The following NOSTRIN variants were observed in gnomAD, a reference collection of about 807,000 sequenced individuals.
The protein encoded by NOSTRIN is nitric oxide synthase trafficking, also known as BM247 homolog.
Under a neutral mutation model 59.0 loss-of-function variants are expected in NOSTRIN, and 63 were observed. The ratio of observed to expected loss-of-function variants is 1.07; its 90% CI spans 0.87 to 1.32. The LOEUF (loss-of-function observed/expected upper bound fraction) is 1.32. Among genes scored for constraint, NOSTRIN ranks in the 40% most tolerant of loss-of-function variants. The probability of loss-of-function intolerance (pLI) is 0.00; values close to 1 mark genes in which losing one functional copy is unlikely to be tolerated. For synonymous variants in NOSTRIN, 200 were observed against 165.4 expected, an observed-to-expected ratio of 1.21 and a Z score of -1.61; for missense variants, 512 against 473.1, an observed-to-expected ratio of 1.08 and a Z score of -0.76.
chr2:168,797,707 G>A (rs1205670052), upstream of NOSTRIN, among the ~76,000 whole-genome samples: 2 of 150,904 alleles, frequency 1.3e-5, no homozygotes, highest in Non-Finnish European at 2.9e-5. Flanking sequence ...GCTTGGTGTG[G>A]TGGTTCACTT....
At chr2:168,842,451 T>C (rs753026536) in intron 7 of NOSTRIN, among the ~76,000 whole-genome samples, 11 of 152,240 alleles carry the variant, frequency 7.2e-5, no homozygotes, top group Non-Finnish European at 1.3e-4. Context: ...AGGACTCTTA[T>C]CCTGGAAGTT....
At chr2:168,831,283 G>T (rs2105650747) in intron 5 of NOSTRIN, among the ~76,000 whole-genome samples, 189 bp from the exon 6 acceptor site, 1 of 152,150 alleles carries the variant, frequency 6.6e-6, no homozygotes, top group South Asian at 2.1e-4. Context: ...TTTTATAAGG[G>T]CACTAATCTC....
Position 168,834,321 on chromosome 2 carries a change from G to A in NOSTRIN, c.500G>A (p.Arg167Gln), listed in dbSNP as rs73969974. Residue 167 changes from arginine (R) to glutamine (Q), a missense_variant, in exon 7 of 16, where the codon CGG (arginine) becomes CAG (glutamine). Physicochemically the swap from Arg to Gln is conservative, Grantham distance 43 (BLOSUM62 1). Coordinates refer to ENST00000317647, the MANE Select transcript of NOSTRIN (RefSeq NM_001039724.4). ...CAATCTATGACTGAGAAGGAGAAGC[G>A]GAAGGTAAGCTGTCATGGCTGGCTG... ...SKQSMTEKEK[R>Q]KLLNKLTKST... 9.0e-3 allele frequency: 7,895 copies of A among 872,468 alleles called. 420 individuals are homozygous for A. In the African/African-American group the frequency reaches 0.11, roughly 13 times the overall value. The allele number at this position is 872,468 out of a possible 1,614,324, so 54.0% of individuals were successfully genotyped here. A position where few individuals can be genotyped will look rare whatever the true frequency, so the allele number is the denominator to read the frequency against.
chr2:168,841,292 AAATAT>A (rs1246101775), intron 7 of NOSTRIN, among the ~76,000 whole-genome samples: 2 of 88,280 alleles, frequency 2.3e-5, no homozygotes, highest in African/African-American at 1.1e-4. Context: ...TGAATGCTTT[AAATAT>A]ATATATATAA....
At chr2:168,833,639 G>A (rs1254162010) in intron 6 of NOSTRIN, among the ~76,000 whole-genome samples, 1 of 152,172 alleles carries the variant, frequency 6.6e-6, no homozygotes, top group African/African-American at 2.4e-5. Context: ...AGCATGAACA[G>A]GGTAGGGAGA....
chr2:168,846,099 T>G (rs1432506008), intron 8 of NOSTRIN, among the ~76,000 whole-genome samples: 2 of 152,188 alleles, frequency 1.3e-5, no homozygotes, highest in African/African-American at 4.8e-5. Flanking sequence ...AGTTGGTATT[T>G]CCTGGGCTTG....
intron 1 of NOSTRIN, among the ~76,000 whole-genome samples, chr2:168,809,756 T>G: frequency 6.8e-6 from 1 of 147,802 alleles, no homozygotes; most frequent in South Asian, 2.1e-4. Context: ...ATTTATATAT[T>G]AAATATAAAA....
intron 3 of NOSTRIN, among the ~76,000 whole-genome samples, chr2:168,827,567 C>G (rs1403945321): frequency 6.6e-6 from 1 of 151,184 alleles, no homozygotes; most frequent in South Asian, 2.1e-4. Context: ...TTATTTTTTT[C>G]TTTTTGGTGG....
intron 2 of NOSTRIN, among the ~76,000 whole-genome samples, chr2:168,816,972 A>G (rs1401492980): frequency 1.3e-5 from 2 of 152,226 alleles, no homozygotes; most frequent in Non-Finnish European, 2.9e-5. Flanking sequence ...CTGGCATAAT[A>G]TGTAGCATAT....
upstream of NOSTRIN, chr2:168,802,233 T>C (rs1685637081): frequency 5.8e-6 from 1 of 173,202 alleles, no homozygotes; most frequent in Non-Finnish European, 1.3e-5. Context: ...TCCCCAAAGG[T>C]CAAAGCATCA....
At chr2:168,849,280 G>A (rs1271761405) in intron 8 of NOSTRIN, among the ~76,000 whole-genome samples, 1 of 152,204 alleles carries the variant, frequency 6.6e-6, no homozygotes. Context: ...GTGGGTATGA[G>A]AGCAACTGAG....
intron 3 of NOSTRIN, among the ~76,000 whole-genome samples, chr2:168,825,485 C>T (rs928987871): frequency 1.3e-5 from 2 of 152,110 alleles, no homozygotes; most frequent in African/African-American, 4.8e-5. Context: ...AGTAACCTGG[C>T]CTCTGTGTGC....
At chr2:168,831,841 A>T (rs1397757379) in intron 6 of NOSTRIN, among the ~76,000 whole-genome samples, 2 of 152,198 alleles carry the variant, frequency 1.3e-5, no homozygotes, top group Non-Finnish European at 2.9e-5. Flanking sequence ...TGGGCAATGG[A>T]GACACAGAGA....
At chr2:168,830,223 G>A (rs1011927597) in intron 5 of NOSTRIN, among the ~76,000 whole-genome samples, 1 of 152,222 alleles carries the variant, frequency 6.6e-6, no homozygotes, top group African/African-American at 2.4e-5. Flanking sequence ...TACCATAAAT[G>A]AGGCACAGTG....
At chr2:168,863,920 T>A (rs1689666184) in intron 15 of NOSTRIN, among the ~76,000 whole-genome samples, 1 of 152,078 alleles carries the variant, frequency 6.6e-6, no homozygotes, top group African/African-American at 2.4e-5. Context: ...TTTTTTTATT[T>A]TTTTTTTTGA....
intron 8 of NOSTRIN, among the ~76,000 whole-genome samples, chr2:168,845,372 C>T (rs777392947): frequency 1.8e-4 from 28 of 152,314 alleles, no homozygotes; most frequent in East Asian, 3.9e-4. Flanking sequence ...CAGGCACCCA[C>T]CCTTCAAGGG....
chr2:168,811,646 A>G lies in NOSTRIN; in HGVS notation c.107A>G (p.Gln36Arg). The G allele has an allele frequency of 1.2e-6, 1 of 856,062 alleles. No homozygotes were observed. The highest frequency in any genetic ancestry group is 1.8e-5 in the Admixed American group (1 of 55,488). 53.0% of individuals were successfully genotyped at this position (856,062 alleles called of 1,614,324 possible). A position where few individuals can be genotyped will look rare whatever the true frequency, so the allele number is the denominator to read the frequency against. The change falls in exon 2 of 16, where the codon CAG becomes CGG. Residue 36 changes from glutamine (Q) to arginine (R), a missense_variant. Physicochemically the swap from Gln to Arg is conservative, Grantham distance 43. Transcript: ENST00000317647. Reference sequence around the variant, plus strand: ...TGCAAACAGGTCACATCTGTTCTTCAGCAAAGGTACAAAATGCACGTTTGC... The same window carrying G: ...TGCAAACAGGTCACATCTGTTCTTCGGCAAAGGTACAAAATGCACGTTTGC... ...NFCKQVTSVL[Q>R]QRANLEISYA...
At chr2:168,796,704 G>A (rs1027786569), upstream of NOSTRIN, among the ~76,000 whole-genome samples, 22 of 152,188 alleles carry the variant, frequency 1.4e-4, no homozygotes, top group East Asian at 5.8e-4. Flanking sequence ...GGATTCTTGC[G>A]GAATCCTACT....
At chr2:168,789,039 A>G (rs923026822) in intron 2 of NOSTRIN, among the ~76,000 whole-genome samples, 2 of 152,182 alleles carry the variant, frequency 1.3e-5, no homozygotes, top group African/African-American at 2.4e-5. Flanking sequence ...TTCTAAATCC[A>G]TCCTAAACCC....
Sources: allele counts gnomAD v4.1 joint callset (sites outside exome capture counted in the v4.1 genomes callset), GRCh38; gene constraint gnomAD v4.1.1; transcripts MANE v1.5; gene names NCBI Gene and HGNC (gene_info 2026-07-23, HGNC 2026-07-21).